ERC2: variants seen among roughly 807,000 people sequenced by gnomAD.
The protein encoded by ERC2 is ELKS/RAB6-interacting/CAST family member 2, also known as ERC protein 2.
Under a neutral mutation model 114.8 loss-of-function variants are expected in ERC2, and 42 were observed. That is an observed-to-expected ratio of 0.37 (90% CI 0.29 to 0.47). ERC2 has a LOEUF of 0.47. ERC2 is among the 20% of genes least tolerant of loss of function. The pLI is 0.99. For missense variants in ERC2, 939 were observed against 1,150.7 expected, an observed-to-expected ratio of 0.82 and a Z score of 2.66; for synonymous variants, 454 against 425.5, an observed-to-expected ratio of 1.07 and a Z score of -0.82.
intron 2 of ERC2, among the ~76,000 whole-genome samples, chr3:56,407,699 G>C (rs1325860129): frequency 6.6e-6 from 1 of 152,160 alleles, no homozygotes; most frequent in East Asian, 1.9e-4. Context: ...CTGCACATTA[G>C]AGTCACATGG....
At chr3:56,384,242 T>C (rs1198663223) in intron 2 of ERC2, among the ~76,000 whole-genome samples, 3 of 152,308 alleles carry the variant, frequency 2.0e-5, no homozygotes, top group East Asian at 1.9e-4. Context: ...CTGGATCATA[T>C]AGTAATTCCA....
chr3:56,385,910 C>T (rs2059916999), intron 2 of ERC2, among the ~76,000 whole-genome samples: 2 of 152,098 alleles, frequency 1.3e-5, no homozygotes, highest in Admixed American at 1.3e-4. Context: ...GCCTGAATTG[C>T]AGAGTAGAGT....
intron 14 of ERC2, among the ~76,000 whole-genome samples, chr3:55,866,643 T>C (rs530773288): frequency 1.3e-5 from 2 of 152,324 alleles, no homozygotes; most frequent in African/African-American, 4.8e-5. Context: ...CCTTTGTGCA[T>C]GATGTGAAAG....
At chr3:55,739,721 A>T (rs2065866535) in intron 14 of ERC2, among the ~76,000 whole-genome samples, 1 of 152,042 alleles carries the variant, frequency 6.6e-6, no homozygotes, top group South Asian at 2.1e-4. Flanking sequence ...GTTCACTCTG[A>T]CGATAGTTTC....
chr3:55,780,579 A>G (rs2068960751), intron 14 of ERC2, among the ~76,000 whole-genome samples: 1 of 152,220 alleles, frequency 6.6e-6, no homozygotes, highest in African/African-American at 2.4e-5. Flanking sequence ...TACAAATAAC[A>G]TATTTTTTAA....
chr3:55,511,610 G>A (rs1307374747), intron 17 of ERC2, among the ~76,000 whole-genome samples: 1 of 152,180 alleles, frequency 6.6e-6, no homozygotes, highest in Non-Finnish European at 1.5e-5. Flanking sequence ...CACATAATCG[G>A]ACTATATGTC....
intron 12 of ERC2, among the ~76,000 whole-genome samples, chr3:55,950,782 G>A (rs1236471132): frequency 6.6e-6 from 1 of 152,208 alleles, no homozygotes. Context: ...AATGGGGCAG[G>A]TATAATCTTC....
intron 2 of ERC2, among the ~76,000 whole-genome samples, chr3:56,336,681 C>T (rs1186381826): frequency 1.3e-5 from 2 of 152,146 alleles, no homozygotes; most frequent in African/African-American, 4.8e-5. Context: ...GTAATCCCAG[C>T]TACTCGGGAG....
intron 17 of ERC2, among the ~76,000 whole-genome samples, chr3:55,602,602 G>A (rs991000489): frequency 6.6e-6 from 1 of 152,204 alleles, no homozygotes; most frequent in East Asian, 1.9e-4. Flanking sequence ...GTGTTGCTCA[G>A]GAGGTTCTCT....
At chr3:56,453,396 G>A (rs2062913647) in intron 1 of ERC2, among the ~76,000 whole-genome samples, 1 of 152,182 alleles carries the variant, frequency 6.6e-6, no homozygotes, top group African/African-American at 2.4e-5. Flanking sequence ...ACCCCTGAGA[G>A]AAAGAAGCCA....
intron 3 of ERC2, among the ~76,000 whole-genome samples, chr3:56,241,979 AG>A (rs2051353039): frequency 6.6e-6 from 1 of 152,240 alleles, no homozygotes; most frequent in South Asian, 2.1e-4. Context: ...TACAAGAGAC[AG>A]AATGGCCCTC....
intron 3 of ERC2, among the ~76,000 whole-genome samples, chr3:56,286,081 G>A (rs56383777): frequency 0.085 from 13,003 of 152,086 alleles, 1,424 homozygotes; most frequent in African/African-American, 0.26. Context: ...CAATGTGTTA[G>A]GAATCAGAGA....
chr3:56,417,198 C>G (rs1240923417), intron 2 of ERC2, among the ~76,000 whole-genome samples: 2 of 152,266 alleles, frequency 1.3e-5, no homozygotes, highest in East Asian at 1.9e-4. Context: ...TGTGATCTTT[C>G]TTTGGGCAAC....
At chr3:56,011,606 AAC>A (rs3076645) in intron 8 of ERC2, among the ~76,000 whole-genome samples, 82,884 of 148,496 alleles carry the variant, frequency 0.56, 23,648 homozygotes, top group East Asian at 0.78. Flanking sequence ...AAGAAACTTA[AAC>A]ACACACACAC....
intron 14 of ERC2, among the ~76,000 whole-genome samples, chr3:55,856,090 CA>C (rs1296374686): frequency 6.6e-6 from 1 of 152,172 alleles, no homozygotes; most frequent in Non-Finnish European, 1.5e-5. Flanking sequence ...ACTACAAATG[CA>C]AGAGGATTCC....
intron 14 of ERC2, among the ~76,000 whole-genome samples, chr3:55,795,061 T>C (rs1358618012): frequency 6.6e-6 from 1 of 152,218 alleles, no homozygotes; most frequent in Non-Finnish European, 1.5e-5. Flanking sequence ...AAACATATTT[T>C]AGTCATATAG....
chr3:55,526,305 TG>T (rs2053315903), intron 17 of ERC2, among the ~76,000 whole-genome samples: 1 of 152,186 alleles, frequency 6.6e-6, no homozygotes, highest in Non-Finnish European at 1.5e-5. Context: ...AACCAGTTTG[TG>T]GTACTTTGTT....
At position 56,039,782 on chromosome 3, in the gene ERC2, G is replaced by A. The variant is rs1374326798; in HGVS notation, c.1642-20751C>T. Among the ~76,000 whole-genome samples, 4 of 152,176 alleles carry A rather than the reference G, an allele frequency of 2.6e-5. No individual in the cohort carries two copies. The East Asian group carries it at 7.7e-4, about 29-fold the overall frequency. ...ATAGTAATCAAAACAGTAAGGTGCT[G>A]GCATAAAAACAAACATACAGATCAA... is the stretch of plus-strand genomic sequence containing the variant. On this transcript the variant is annotated intron_variant, in intron 7 of 17. Coordinates refer to ENST00000288221, the MANE Select transcript of ERC2 (RefSeq NM_015576.3).
intron 17 of ERC2, among the ~76,000 whole-genome samples, chr3:55,656,498 CT>C (rs2060874443): frequency 1.3e-5 from 2 of 152,156 alleles, no homozygotes; most frequent in African/African-American, 4.8e-5. Context: ...TCACCCAGGC[CT>C]GGCCTTGAGT....
Sources: allele counts gnomAD v4.1 joint callset (sites outside exome capture counted in the v4.1 genomes callset), GRCh38; gene constraint gnomAD v4.1.1; transcripts MANE v1.5; gene names NCBI Gene and HGNC (gene_info 2026-07-23, HGNC 2026-07-21).